NEDD4: variants seen among roughly 807,000 people sequenced by gnomAD.
The protein encoded by NEDD4 is E3 ubiquitin-protein ligase NEDD4.
Under a neutral mutation model 144.9 loss-of-function variants are expected in NEDD4, and 99 were observed. The observed-to-expected ratio is 0.68, with a 90% confidence interval of 0.58 to 0.81. The LOEUF (loss-of-function observed/expected upper bound fraction) is 0.81. Among genes scored for constraint, NEDD4 ranks in the 30% least tolerant of loss-of-function variants. The pLI, the probability that NEDD4 is intolerant of heterozygous loss-of-function variation, is 0.00. For synonymous variants in NEDD4, 318 were observed against 350.6 expected, an observed-to-expected ratio of 0.91 and a Z score of 1.04; for missense variants, 985 against 1,065.9, an observed-to-expected ratio of 0.92 and a Z score of 1.06.
intron 5 of NEDD4, among the ~76,000 whole-genome samples, chr15:55,923,891 T>C (rs1353885253): frequency 6.6e-6 from 1 of 152,032 alleles, no homozygotes; most frequent in Non-Finnish European, 1.5e-5. Flanking sequence ...ACTGTTTAAT[T>C]TTTCTGGTGC....
chr15:55,915,761 C>T (rs373386541), intron 5 of NEDD4: 17 of 1,613,536 alleles, frequency 1.1e-5, no homozygotes, highest in East Asian at 6.7e-5. Flanking sequence ...GAGTATTATT[C>T]GAAAGAACAA....
chr15:55,983,297 T>TGC (rs1555409967), intron 1 of NEDD4, among the ~76,000 whole-genome samples: 1 of 141,308 alleles, frequency 7.1e-6, no homozygotes, highest in Non-Finnish European at 1.6e-5. Flanking sequence ...TGTGTGTGTG[T>TGC]GTGCGTGCGC....
chr15:55,870,919 A>AT (rs1212637818), intron 7 of NEDD4, among the ~76,000 whole-genome samples: 17 of 152,104 alleles, frequency 1.1e-4, no homozygotes, highest in South Asian at 2.1e-4. Context: ...CTCTATATAG[A>AT]TTTTTTGGGG....
At chr15:55,927,986 A>C (rs1197337657) in intron 4 of NEDD4, among the ~76,000 whole-genome samples, 8 of 152,188 alleles carry the variant, frequency 5.3e-5, no homozygotes, top group African/African-American at 1.9e-4. Flanking sequence ...TCAGACTGTA[A>C]TTAATAGCTT....
In NEDD4 at chr15:55,852,418, G is replaced by A; in HGVS notation, c.1146+6C>T. 1 of 1,605,054 alleles carries A rather than the reference G, an allele frequency of 6.2e-7. No individual in the cohort carries two copies. Among genetic ancestry groups the A allele is most frequent in the Non-Finnish European group, 8.5e-7 (1 of 1,175,068 alleles). ...TAAGAAAGCAAGTTGATAGATTACA[G>A]GATACCTGTACAGTGGGCTTTGTCC... On this transcript the variant is annotated splice_donor_region_variant and intron_variant, in intron 13 of 28. Transcript: ENST00000435532.
intron 18 of NEDD4, among the ~76,000 whole-genome samples, chr15:55,845,802 T>TTTC (rs2033716223): frequency 6.6e-6 from 1 of 150,738 alleles, no homozygotes; most frequent in Non-Finnish European, 1.5e-5. Flanking sequence ...TTTTTTCTTT[T>TTTC]TTTTTTTTTG....
chr15:55,925,029 T>A (rs1226655345), intron 4 of NEDD4, among the ~76,000 whole-genome samples: 1 of 152,108 alleles, frequency 6.6e-6, no homozygotes, highest in Non-Finnish European at 1.5e-5. Context: ...GACTGTGCCA[T>A]TGCACTCCAG....
chr15:55,878,979 C>A (rs974492887), intron 5 of NEDD4, among the ~76,000 whole-genome samples: 3 of 152,200 alleles, frequency 2.0e-5, no homozygotes, highest in Non-Finnish European at 4.4e-5. Flanking sequence ...TGTGCCACCA[C>A]AACCAGCTAA....
intron 14 of NEDD4, among the ~76,000 whole-genome samples, 195 bp downstream of exon 14, chr15:55,850,347 A>G (rs549441797): frequency 2.0e-5 from 3 of 152,346 alleles, no homozygotes; most frequent in African/African-American, 7.2e-5. Flanking sequence ...TATCTCCATC[A>G]TAATCCAAAA....
chr15:55,915,343 C>A (rs763303790), intron 5 of NEDD4: 2 of 1,611,002 alleles, frequency 1.2e-6, no homozygotes, highest in South Asian at 2.2e-5. Flanking sequence ...GATAAATTAT[C>A]CACTTTACCT....
At chr15:55,860,812 T>G (rs1479895574) in intron 9 of NEDD4, 34 bp from the exon 10 acceptor site, 23 of 1,543,356 alleles carry the variant, frequency 1.5e-5, no homozygotes, top group Non-Finnish European at 1.2e-5. Context: ...ATCATCCATG[T>G]CTTAAGTAGT....
intron 5 of NEDD4, among the ~76,000 whole-genome samples, chr15:55,875,165 T>C (rs568271338): frequency 6.7e-6 from 1 of 149,946 alleles, no homozygotes; most frequent in South Asian, 2.1e-4. Context: ...ACGCAGATCA[T>C]GGAATAAGCA....
Position 55,860,649 on chromosome 15 carries a change from A to AACT in NEDD4, c.792+9_792+11dup. ...ATGTGTCTTTCAAGGAGAACTAGGA[A>AACT]ACTACTTATACCTCGGAAGACTCTC... On this transcript the variant is annotated intron_variant, in intron 10 of 28. Coordinates refer to ENST00000435532, the MANE Select transcript of NEDD4 (RefSeq NM_006154.4). 1.2e-6 allele frequency: 2 copies of AACT among 1,613,912 alleles called. No individual in the cohort carries two copies. The highest frequency in any genetic ancestry group is 1.7e-6 in the Non-Finnish European group (2 of 1,179,836).
intron 18 of NEDD4, among the ~76,000 whole-genome samples, chr15:55,842,725 G>A (rs764591435): frequency 2.2e-4 from 33 of 152,300 alleles, no homozygotes; most frequent in African/African-American, 6.3e-4. Context: ...AAGGCATTTC[G>A]TTAACAGTCC....
chr15:55,901,735 C>A (rs540436501), intron 5 of NEDD4, among the ~76,000 whole-genome samples: 10 of 152,032 alleles, frequency 6.6e-5, no homozygotes, highest in Non-Finnish European at 1.3e-4. Context: ...TCCATTTGTA[C>A]ATATAAAAAA....
chr15:55,901,208 A>T (rs1452816384), intron 5 of NEDD4, among the ~76,000 whole-genome samples: 3 of 152,102 alleles, frequency 2.0e-5, no homozygotes, highest in African/African-American at 7.2e-5. Context: ...TATCTTAACT[A>T]TTGAGAGCTC....
chr15:55,917,010 A>G, intron 5 of NEDD4: 1 of 1,325,584 alleles, frequency 7.5e-7, no homozygotes, highest in South Asian at 2.5e-5. Context: ...TCATAGAAAG[A>G]AAAAGACGAC....
chr15:55,951,430 CA>C lies in NEDD4; in HGVS notation c.199-17del, dbSNP rs2142301255. On this transcript the variant is annotated splice_polypyrimidine_tract_variant and intron_variant, in intron 3 of 28. Coordinates refer to ENST00000435532, the MANE Select transcript of NEDD4 (RefSeq NM_006154.4). Reference sequence around the variant, plus strand: ...GATTCAAACTCTAAAAAATAATAAACATAGTATAACTAAATAAGGTTTTGTC... The same window carrying C: ...GATTCAAACTCTAAAAAATAATAAACTAGTATAACTAAATAAGGTTTTGTC... 1 of 1,150,238 alleles carries C rather than the reference CA, an allele frequency of 8.7e-7. No homozygotes were observed. Among genetic ancestry groups the C allele is most frequent in the South Asian group, 1.5e-5 (1 of 66,020 alleles). 71.3% of individuals were successfully genotyped at this position (1,150,238 alleles called of 1,614,324 possible). A position where few individuals can be genotyped will look rare whatever the true frequency, so the allele number is the denominator to read the frequency against.
At chr15:55,848,327 G>C (rs774201273) in intron 17 of NEDD4, 45 bp downstream of exon 17, 2 of 1,576,266 alleles carry the variant, frequency 1.3e-6, no homozygotes, top group Admixed American at 1.7e-5. Flanking sequence ...TGAAGAGACA[G>C]GTGAGCGGAC....
Sources: allele counts gnomAD v4.1 joint callset (sites outside exome capture counted in the v4.1 genomes callset), GRCh38; gene constraint gnomAD v4.1.1; transcripts MANE v1.5; gene names NCBI Gene and HGNC (gene_info 2026-07-23, HGNC 2026-07-21).